Variants in ATF7IP2 observed in about 807,000 individuals in gnomAD.
The protein encoded by ATF7IP2 is activating transcription factor 7 interacting protein 2.
ATF7IP2 carries 42 observed loss-of-function variants against 64.2 expected under a neutral mutation model. The ratio of observed to expected loss-of-function variants is 0.65; its 90% confidence interval spans 0.51 to 0.85. The LOEUF is 0.85. Ranked by LOEUF, ATF7IP2 falls within the 40% of genes least tolerant of loss-of-function variation. The pLI is 0.00. For synonymous variants in ATF7IP2, 308 were observed against 272.8 expected (o/e 1.13, Z -1.27); for missense variants, 933 against 784.2 (o/e 1.19, Z -2.27).
intron 1 of ATF7IP2, among the ~76,000 whole-genome samples, chr16:10,393,315 CAAAAAAAAAAAAAAAAA>C (rs58879332): frequency 1.0e-4 from 8 of 77,160 alleles, no homozygotes; most frequent in Non-Finnish European, 2.0e-4. Context: ...GACTCTGTCT[CAAAAAAAAAAAAAAAAA>C]AAAAAAAAAA....
intron 9 of ATF7IP2, among the ~76,000 whole-genome samples, chr16:10,468,391 T>G (rs1265973077): frequency 6.6e-6 from 1 of 152,170 alleles, no homozygotes; most frequent in Non-Finnish European, 1.5e-5. Flanking sequence ...CTACAGGAAC[T>G]GACATTTTGC....
intron 1 of ATF7IP2, among the ~76,000 whole-genome samples, chr16:10,408,219 A>G (rs2047682337): frequency 6.6e-6 from 1 of 151,942 alleles, no homozygotes; most frequent in Non-Finnish European, 1.5e-5. Flanking sequence ...TTATATCACA[A>G]TTTCTTTATG....
intron 1 of ATF7IP2, among the ~76,000 whole-genome samples, chr16:10,409,778 T>C (rs2047715611): frequency 6.6e-6 from 1 of 152,238 alleles, no homozygotes; most frequent in South Asian, 2.1e-4. Flanking sequence ...GAGGATCCAG[T>C]TTCATTCTCC....
chr16:10,431,327 T>G lies in ATF7IP2; in HGVS notation c.707T>G (p.Val236Gly). The G allele has an allele frequency of 2.5e-6, 4 of 1,614,214 alleles. No individual in the cohort carries two copies. Among genetic ancestry groups the G allele is most frequent in the Non-Finnish European group, 3.4e-6 (4 of 1,180,026 alleles). ...CCTGTTGAGAAAACACCTAATTTGG[T>G]GAATTCAGTCACTTCTAACAACTGT... ...FVPVEKTPNL[V>G]NSVTSNNCAD... The change falls in exon 5 of 14, where the codon GTG becomes GGG. Residue 236 changes from valine (V) to glycine (G), a missense_variant. Physicochemically the swap from Val to Gly is moderately radical, Grantham distance 109 (BLOSUM62 -3). Transcript: ENST00000562102.
At chr16:10,423,022 A>T (rs935975755) in intron 3 of ATF7IP2, among the ~76,000 whole-genome samples, 25 of 152,238 alleles carry the variant, frequency 1.6e-4, no homozygotes, top group Non-Finnish European at 1.5e-4. Context: ...AGGCAGGCAG[A>T]TCACGAGGTC....
In ATF7IP2 at chr16:10,430,785, T is replaced by C. The variant is rs762248072; in HGVS notation, c.165T>C (p.Pro55=). The C allele has an allele frequency of 3.8e-6, 6 of 1,570,848 alleles. No homozygotes were observed. Among genetic ancestry groups the C allele is most frequent in the African/African-American group, 1.6e-5 (1 of 63,442 alleles). Residue 55 remains proline, a synonymous_variant, in exon 5 of 14, where the codon CCT becomes CCC. Coordinates refer to ENST00000562102, the MANE Select transcript of ATF7IP2 (RefSeq NM_001393719.1). ...NVPSGNQSFS[P]SVITRTTEIT... ...CAAGCGGTAATCAGAGTTTCAGTCCTAGTGTCATAACTAGGACGACTGAAA... is the reference window on the plus strand; with the variant it reads ...CAAGCGGTAATCAGAGTTTCAGTCCCAGTGTCATAACTAGGACGACTGAAA...
At chr16:10,466,449 C>T (rs2049575491) in intron 9 of ATF7IP2, among the ~76,000 whole-genome samples, 1 of 152,032 alleles carries the variant, frequency 6.6e-6, no homozygotes, top group Non-Finnish European at 1.5e-5. Context: ...ATACCACCAA[C>T]CAGTTTACCA....
intron 1 of ATF7IP2, among the ~76,000 whole-genome samples, chr16:10,405,098 C>T (rs535818086): frequency 3.9e-5 from 6 of 152,140 alleles, no homozygotes; most frequent in East Asian, 3.9e-4. Context: ...TGCCGTGGCT[C>T]ATGCCTGTAA....
chr16:10,409,115 G>C, intron 1 of ATF7IP2, among the ~76,000 whole-genome samples: 1 of 152,070 alleles, frequency 6.6e-6, no homozygotes, highest in East Asian at 1.9e-4. Context: ...TCCCATGGGC[G>C]GGGGGTAGGC....
In ATF7IP2 at chr16:10,442,299, T is replaced by C. The variant is rs150303570; in HGVS notation, c.1194+1837T>C. On this transcript the variant is annotated intron_variant, in intron 8 of 13. Coordinates refer to ENST00000562102, the MANE Select transcript of ATF7IP2 (RefSeq NM_001393719.1). ...TCCTAACAATTTTCCCCCTCTTGAATTTATACACTTTATTCTTCAAACTTA... is the reference window on the plus strand; with the variant it reads ...TCCTAACAATTTTCCCCCTCTTGAACTTATACACTTTATTCTTCAAACTTA... 9.9e-5 allele frequency among the ~76,000 whole-genome samples: 15 copies of C among 151,604 alleles called. No individual in the cohort carries two copies. In the East Asian group the frequency reaches 2.9e-3, roughly 29 times the overall value.
chr16:10,472,031 A>G, intron 9 of ATF7IP2, 79 bp from the exon 10 acceptor site: 1 of 586,698 alleles, frequency 1.7e-6, no homozygotes, highest in South Asian at 3.0e-5. Flanking sequence ...AAGTTAGAGG[A>G]CTCCTAACCA....
intron 2 of ATF7IP2, among the ~76,000 whole-genome samples, chr16:10,417,508 G>A (rs1474611903): frequency 1.3e-5 from 2 of 151,968 alleles, no homozygotes; most frequent in Admixed American, 1.3e-4. Flanking sequence ...AATGATAAAG[G>A]GATCAATTCA....
intron 9 of ATF7IP2, among the ~76,000 whole-genome samples, chr16:10,464,611 C>T (rs2049491984): frequency 6.6e-6 from 1 of 152,118 alleles, no homozygotes; most frequent in Admixed American, 6.5e-5. Flanking sequence ...GAGTAAGCAT[C>T]AGGGTCTAAG....
Position 10,473,907 on chromosome 16 carries a change from T to TC in ATF7IP2, c.1483-16_1483-15insC. On this transcript the variant is annotated splice_polypyrimidine_tract_variant and intron_variant, in intron 11 of 13. Coordinates refer to ENST00000562102, the MANE Select transcript of ATF7IP2 (RefSeq NM_001393719.1). ...ATTGAGGCAAAGCTTTTTTTTTTTTTTTACAATTTTTTTAGGCTGTACAGA... is the reference window on the plus strand; with the variant it reads ...ATTGAGGCAAAGCTTTTTTTTTTTTTCTTACAATTTTTTTAGGCTGTACAGA... 6.8e-7 allele frequency: 1 copy of TC among 1,463,752 alleles called. No homozygotes were observed. The highest frequency in any genetic ancestry group is 9.2e-7 in the Non-Finnish European group (1 of 1,086,620). The allele number at this position is 1,463,752 out of a possible 1,614,324, so 90.7% of individuals were successfully genotyped here. A position where few individuals can be genotyped will look rare whatever the true frequency, so the allele number is the denominator to read the frequency against.
chr16:10,445,987 G>A (rs191815284), intron 8 of ATF7IP2: 11 of 152,318 alleles, frequency 7.2e-5, no homozygotes, highest in Admixed American at 2.0e-4. Context: ...TTGATATAAT[G>A]CAAACAATTC....
At chr16:10,408,419 G>T (rs535882470) in intron 1 of ATF7IP2, among the ~76,000 whole-genome samples, 151 of 152,184 alleles carry the variant, frequency 9.9e-4, no homozygotes, top group Non-Finnish European at 1.8e-3. Flanking sequence ...TCGCCACACT[G>T]TTTTCCATGA....
intron 8 of ATF7IP2, among the ~76,000 whole-genome samples, chr16:10,441,104 T>C (rs2048604837): frequency 6.6e-6 from 1 of 152,238 alleles, no homozygotes; most frequent in Non-Finnish European, 1.5e-5. Flanking sequence ...GGCTGCATAG[T>C]ATTCCATGGT....
chr16:10,443,287 G>A (rs1452755492), intron 8 of ATF7IP2, among the ~76,000 whole-genome samples: 1 of 152,136 alleles, frequency 6.6e-6, no homozygotes, highest in African/African-American at 2.4e-5. Flanking sequence ...AGTAAAATTG[G>A]CATCGTTAGA....
chr16:10,425,630 A>T (rs2048069225), intron 3 of ATF7IP2, among the ~76,000 whole-genome samples: 1 of 152,160 alleles, frequency 6.6e-6, no homozygotes, highest in African/African-American at 2.4e-5. Context: ...GTGGTGGCTC[A>T]CATCTGTAAT....
Sources: allele counts gnomAD v4.1 joint callset (sites outside exome capture counted in the v4.1 genomes callset), GRCh38; gene constraint gnomAD v4.1.1; transcripts MANE v1.5; gene names NCBI Gene and HGNC (gene_info 2026-07-23, HGNC 2026-07-21).